MTCL1: variants seen among roughly 807,000 people sequenced by gnomAD.
MTCL1 encodes the protein microtubule cross-linking factor 1.
A neutral mutation model predicts 141.4 loss-of-function variants in MTCL1; 79 were observed. The ratio of observed to expected loss-of-function variants is 0.56; its 90% CI spans 0.47 to 0.67. The LOEUF is 0.67. Ranked by LOEUF, MTCL1 falls within the 30% of genes least tolerant of loss-of-function variation. MTCL1 has a pLI of 0.00. For synonymous variants in MTCL1, 914 were observed against 875.8 expected (o/e 1.04, Z -0.77); for missense variants, 2,177 against 2,113.9 (o/e 1.03, Z -0.59).
intron 10 of MTCL1, among the ~76,000 whole-genome samples, chr18:8,798,833 CTACTT>C (rs1165736650): frequency 6.6e-6 from 1 of 152,164 alleles, no homozygotes; most frequent in African/African-American, 2.4e-5. Context: ...GAAATAGACT[CTACTT>C]AATAAAGCAA....
rs113372364 is a variant in MTCL1 at position 8,739,349 on chromosome 18, C to T, written c.357+18853C>T. On this transcript the variant is annotated intron_variant, in intron 4 of 16. Coordinates refer to ENST00000359865, the Ensembl canonical transcript of MTCL1. ...CCTATTTCACCAGAAAGCACACCCT[C>T]CAAGCACGTTTGGGGTGGGCGTGCA... Among the ~76,000 whole-genome samples the T allele has an allele frequency of 2.2e-3, 334 of 152,312 alleles. 4 individuals are homozygous for T. The highest frequency in any genetic ancestry group is 2.6e-3 in the Non-Finnish European group (175 of 68,028).
exon 1 of MTCL1, chr18:8,706,202 C>A: frequency 1.6e-6 from 2 of 1,226,430 alleles, no homozygotes; most frequent in South Asian, 8.2e-5. Context: ...ACCCCGGCCG[C>A]CCGGATCCCT....
chr18:8,742,039 C>CAA (rs56116437), intron 4 of MTCL1, among the ~76,000 whole-genome samples: 36,814 of 139,240 alleles, frequency 0.26, 5,279 homozygotes, highest in Admixed American at 0.42. Context: ...TAATGCAGGG[C>CAA]AAAAAAAAAA....
intron 14 of MTCL1, among the ~76,000 whole-genome samples, chr18:8,823,801 G>T (rs553906094): frequency 6.6e-6 from 1 of 152,162 alleles, no homozygotes; most frequent in Non-Finnish European, 1.5e-5. Flanking sequence ...GTGTACCAGC[G>T]CACACGGTAC....
rs1220974631 is a variant in MTCL1, at chr18:8,828,051, T to C, written c.4723-857T>C. ...CCACGGGCTCTTTTTTCCATTTCTG[T>C]TGGAATTTTCCTCGTTCTAGATTCC... On this transcript the variant is annotated intron_variant, in intron 15 of 16. Transcript: ENST00000359865. This position sits in a 1 kb window ranked among gnomAD's most constrained non-coding sequence, Gnocchi z 5.2. Among the ~76,000 whole-genome samples the C allele has an allele frequency of 6.6e-6, 1 of 152,208 alleles. No individual in the cohort carries two copies. The highest frequency in any genetic ancestry group is 1.5e-5 in the Non-Finnish European group (1 of 68,044).
chr18:8,770,938 G>A (rs111568490), intron 4 of MTCL1, among the ~76,000 whole-genome samples: 6 of 152,008 alleles, frequency 3.9e-5, no homozygotes, highest in African/African-American at 1.4e-4. Flanking sequence ...AGGGATAGGT[G>A]AAAACATAAA....
chr18:8,786,114 C>CCCCA (rs1555655959), intron 7 of MTCL1, 23 bp downstream of exon 6: 4 of 1,387,386 alleles, frequency 2.9e-6, no homozygotes, highest in Admixed American at 5.1e-5. Flanking sequence ...AAGCAATCCC[C>CCCCA]CCCCCCCGCC....
exon 13 of MTCL1, chr18:8,818,974 G>A: frequency 6.2e-7 from 1 of 1,606,988 alleles, no homozygotes; most frequent in South Asian, 1.1e-5. Flanking sequence ...TGCAGAAAGA[G>A]AACAGTCCCC....
chr18:8,789,939 C>T (rs1268520614), intron 7 of MTCL1, among the ~76,000 whole-genome samples: 1 of 152,112 alleles, frequency 6.6e-6, no homozygotes, highest in Non-Finnish European at 1.5e-5. Context: ...ATTGGAGTGA[C>T]GTTGGCATCC....
chr18:8,753,194 G>A (rs2096380743), intron 4 of MTCL1, among the ~76,000 whole-genome samples: 1 of 152,176 alleles, frequency 6.6e-6, no homozygotes, highest in Non-Finnish European at 1.5e-5. Flanking sequence ...TTCATAAAAT[G>A]CTAAAATCAT....
intron 4 of MTCL1, among the ~76,000 whole-genome samples, chr18:8,743,688 GTCTGGTGC>G (rs1164639748): frequency 1.3e-5 from 2 of 152,214 alleles, no homozygotes; most frequent in Non-Finnish European, 2.9e-5. Flanking sequence ...CCTGCCATTT[GTCTGGTGC>G]TCTCTCCTGA....
chr18:8,827,873 A>G (rs1182290676), intron 15 of MTCL1, among the ~76,000 whole-genome samples: 1 of 152,196 alleles, frequency 6.6e-6, no homozygotes, highest in South Asian at 2.1e-4. Context: ...TTATCAGTAC[A>G]AAGTGGCGCC....
intron 4 of MTCL1, among the ~76,000 whole-genome samples, chr18:8,774,868 G>A (rs1035127671): frequency 6.6e-6 from 1 of 152,120 alleles, no homozygotes; most frequent in Admixed American, 6.5e-5. Context: ...GAATGGAGGA[G>A]GAGTGTCCCA....
At chr18:8,756,533 G>GTA (rs1484629617) in intron 4 of MTCL1, among the ~76,000 whole-genome samples, 1 of 146,768 alleles carries the variant, frequency 6.8e-6, no homozygotes, top group Non-Finnish European at 1.5e-5. Flanking sequence ...ATATGTGTGT[G>GTA]TATATATGTG....
exon 1 of MTCL1, chr18:8,706,579 C>G: frequency 6.7e-7 from 1 of 1,488,580 alleles, no homozygotes; most frequent in Non-Finnish European, 8.9e-7. Context: ...GGGGCGCTCG[C>G]CACCGGAGCG....
chr18:8,709,039 C>T (rs78247093), intron 1 of MTCL1, among the ~76,000 whole-genome samples: 1,908 of 151,466 alleles, frequency 0.013, 35 homozygotes, highest in African/African-American at 0.045. Flanking sequence ...TTCTACAGGT[C>T]GTGGAGCCTG....
intron 9 of MTCL1, among the ~76,000 whole-genome samples, chr18:8,796,758 G>A: frequency 6.6e-6 from 1 of 152,190 alleles, no homozygotes; most frequent in East Asian, 1.9e-4. Context: ...AACTTACTGA[G>A]AATAGTGCAG....
At chr18:8,767,601 C>G (rs1262735977) in intron 4 of MTCL1, among the ~76,000 whole-genome samples, 1 of 152,172 alleles carries the variant, frequency 6.6e-6, no homozygotes, top group East Asian at 1.9e-4. Flanking sequence ...AGTTTAATCT[C>G]CTGTTCATTT....
At chr18:8,813,009 G>A in exon 12 of MTCL1, 1 of 1,613,866 alleles carries the variant, frequency 6.2e-7, no homozygotes, top group Non-Finnish European at 8.5e-7. Flanking sequence ...CAAGTTGGGA[G>A]AACTAGGCTC....
Sources: allele counts gnomAD v4.1 joint callset (sites outside exome capture counted in the v4.1 genomes callset), GRCh38; gene constraint gnomAD v4.1.1; non-coding constraint Gnocchi (gnomAD v3.1); transcripts MANE v1.5; gene names NCBI Gene and HGNC (gene_info 2026-07-23, HGNC 2026-07-21).